Variants in MIS18A observed in about 807,000 individuals in gnomAD.
MIS18A encodes the protein protein Mis18-alpha.
A neutral mutation model predicts 25.0 loss-of-function variants in MIS18A; 14 were observed. The ratio of observed to expected loss-of-function variants is 0.56; its 90% CI spans 0.37 to 0.88. The LOEUF is 0.88. Among genes scored for constraint, MIS18A ranks in the 40% least tolerant of loss-of-function variants. The probability of loss-of-function intolerance (pLI) is 0.00; values close to 1 mark genes in which losing one functional copy is unlikely to be tolerated. For synonymous variants in MIS18A, 134 were observed against 118.6 expected, an observed-to-expected ratio of 1.13 and a Z score of -0.84; for missense variants, 292 against 290.8, an observed-to-expected ratio of 1.00 and a Z score of -0.03.
chr21:32,173,768 G>A, the MIS18A span, among the ~76,000 whole-genome samples: 1 of 152,054 alleles, frequency 6.6e-6, no homozygotes, highest in African/African-American at 2.4e-5. Context: ...AGGGGATGGG[G>A]GTAATGAAGA....
At chr21:32,265,615 C>G (rs1247602943), downstream of MIS18A, among the ~76,000 whole-genome samples, 2 of 152,238 alleles carry the variant, frequency 1.3e-5, no homozygotes, top group Non-Finnish European at 2.9e-5. Context: ...AGCCTCCCAC[C>G]CACTCCATGG....
chr21:32,177,335 C>T, the MIS18A span, among the ~76,000 whole-genome samples: 2 of 152,024 alleles, frequency 1.3e-5, no homozygotes, highest in Non-Finnish European at 2.9e-5. Flanking sequence ...AAGAAAAACA[C>T]CTACATCAAA....
chr21:32,265,126 G>A (rs966858747), downstream of MIS18A, among the ~76,000 whole-genome samples: 3 of 152,192 alleles, frequency 2.0e-5, no homozygotes, highest in African/African-American at 7.2e-5. Flanking sequence ...CGTGTGGTTT[G>A]GCCTGGGACA....
chr21:32,204,999 A>G, the MIS18A span, among the ~76,000 whole-genome samples: 1 of 151,904 alleles, frequency 6.6e-6, no homozygotes, highest in Non-Finnish European at 1.5e-5. Context: ...TGGATGGCCA[A>G]TTCTAGGAAG....
chr21:32,240,317 C>G, the MIS18A span, among the ~76,000 whole-genome samples: 1 of 152,230 alleles, frequency 6.6e-6, no homozygotes, highest in East Asian at 1.9e-4. Context: ...GATTAGTGTC[C>G]TTGTAAGGAG....
At chr21:32,263,523 C>T (rs946531888), downstream of MIS18A, among the ~76,000 whole-genome samples, 2 of 152,188 alleles carry the variant, frequency 1.3e-5, no homozygotes, top group African/African-American at 4.8e-5. Context: ...ACCGCTTGAA[C>T]CCAGGAGGCA....
downstream of MIS18A, among the ~76,000 whole-genome samples, chr21:32,267,388 TA>T (rs61641232): frequency 0.029 from 4,387 of 152,260 alleles, 206 homozygotes; most frequent in African/African-American, 0.1. Flanking sequence ...GATGGAAAGG[TA>T]ATCAAAGGCC....
chr21:32,188,332 T>C, the MIS18A span, among the ~76,000 whole-genome samples: 1 of 152,248 alleles, frequency 6.6e-6, no homozygotes, highest in Non-Finnish European at 1.5e-5. Flanking sequence ...TATCAGCTTT[T>C]GTATGGATTC....
At chr21:32,225,952 A>G in the MIS18A span, among the ~76,000 whole-genome samples, 1 of 42,080 alleles carries the variant, frequency 2.4e-5, no homozygotes, top group African/African-American at 1.3e-4. Flanking sequence ...ATGCAGCCAT[A>G]AAAAATGATG....
chr21:32,276,001 C>T (rs990519714), intron 1 of MIS18A, among the ~76,000 whole-genome samples: 5 of 152,138 alleles, frequency 3.3e-5, no homozygotes, highest in African/African-American at 4.8e-5. Context: ...AACGTACTCA[C>T]TAGAACAGAT....
the MIS18A span, among the ~76,000 whole-genome samples, chr21:32,217,255 A>T: frequency 6.6e-6 from 1 of 150,624 alleles, no homozygotes; most frequent in East Asian, 2.1e-4. Context: ...TATGAAAATG[A>T]TGTTTCACTA....
chr21:32,156,106 CCAGAGCAGCAGCTTTGAAAACGAGAT>C, the MIS18A span, among the ~76,000 whole-genome samples: 1 of 152,122 alleles, frequency 6.6e-6, no homozygotes, highest in Non-Finnish European at 1.5e-5. Context: ...CCTTTTTTAA[CCAGAGCAGCAGCTTTGAAAACGAGAT>C]GTTTGCTTAC....
chr21:32,215,078 A>C, the MIS18A span, among the ~76,000 whole-genome samples: 1 of 152,198 alleles, frequency 6.6e-6, no homozygotes, highest in Non-Finnish European at 1.5e-5. Flanking sequence ...GAATGTTGAC[A>C]TCTTGTGGGC....
At chr21:32,212,475 C>G in the MIS18A span, among the ~76,000 whole-genome samples, 1 of 152,128 alleles carries the variant, frequency 6.6e-6, no homozygotes, top group African/African-American at 2.4e-5. Flanking sequence ...ACTCTCACAC[C>G]TGCACCTCCA....
At chr21:32,235,558 G>T in the MIS18A span, among the ~76,000 whole-genome samples, 2 of 152,318 alleles carry the variant, frequency 1.3e-5, no homozygotes, top group South Asian at 4.1e-4. Flanking sequence ...GTTGACACAT[G>T]AGGTGAAACC....
At chr21:32,249,568 A>G in the MIS18A span, among the ~76,000 whole-genome samples, 1 of 152,184 alleles carries the variant, frequency 6.6e-6, no homozygotes, top group Non-Finnish European at 1.5e-5. Context: ...GCAATTTACA[A>G]AGTAATTTTT....
the MIS18A span, among the ~76,000 whole-genome samples, chr21:32,192,330 C>T: frequency 6.6e-6 from 1 of 152,210 alleles, no homozygotes; most frequent in Non-Finnish European, 1.5e-5. Flanking sequence ...TCCAACCCTG[C>T]CCTGGGGTCT....
the MIS18A span, among the ~76,000 whole-genome samples, chr21:32,189,559 G>T: frequency 6.6e-6 from 1 of 152,210 alleles, no homozygotes; most frequent in African/African-American, 2.4e-5. Flanking sequence ...GATGACAGGC[G>T]TGAGCCACCA....
the MIS18A span, among the ~76,000 whole-genome samples, chr21:32,159,076 C>T: frequency 8.6e-5 from 13 of 151,864 alleles, no homozygotes; most frequent in Non-Finnish European, 1.9e-4. Flanking sequence ...TATACATAAC[C>T]CTTAAATAAG....
Sources: allele counts gnomAD v4.1 joint callset (sites outside exome capture counted in the v4.1 genomes callset), GRCh38; gene constraint gnomAD v4.1.1; transcripts MANE v1.5; gene names NCBI Gene and HGNC (gene_info 2026-07-23, HGNC 2026-07-21).